Variants in CALD1 observed in about 807,000 individuals in gnomAD.
The protein encoded by CALD1 is caldesmon.
A neutral mutation model predicts 99.9 loss-of-function variants in CALD1; 33 were observed. The ratio of observed to expected loss-of-function variants is 0.33; its 90% CI spans 0.25 to 0.44. CALD1 has a LOEUF of 0.44. Among genes scored for constraint, CALD1 ranks in the 20% least tolerant of loss-of-function variants. The probability of loss-of-function intolerance (pLI) is 1.00; values close to 1 mark genes in which losing one functional copy is unlikely to be tolerated. For missense variants in CALD1, 861 were observed against 962.1 expected (o/e 0.89, Z 1.39); for synonymous variants, 310 against 325.0 (o/e 0.95, Z 0.50).
chr7:134,897,498 T>G (rs763940652), intron 3 of CALD1, among the ~76,000 whole-genome samples: 3 of 151,944 alleles, frequency 2.0e-5, no homozygotes, highest in Non-Finnish European at 2.9e-5. Flanking sequence ...TTTAAAACGC[T>G]GGTCATCCAC....
intron 2 of CALD1, among the ~76,000 whole-genome samples, chr7:134,866,018 A>C (rs986999445): frequency 6.6e-6 from 1 of 152,162 alleles, no homozygotes; most frequent in Non-Finnish European, 1.5e-5. Context: ...GCAACAAAAG[A>C]CCACATGGAA....
chr7:134,847,650 A>G (rs924890816), intron 2 of CALD1, among the ~76,000 whole-genome samples: 4 of 152,222 alleles, frequency 2.6e-5, no homozygotes, highest in Non-Finnish European at 5.9e-5. Context: ...GTGCAGCTTT[A>G]GTAACCTTGC....
chr7:134,822,725 T>C (rs1798830957), intron 1 of CALD1, among the ~76,000 whole-genome samples: 1 of 152,154 alleles, frequency 6.6e-6, no homozygotes, highest in Non-Finnish European at 1.5e-5. Flanking sequence ...TCAAACTTCC[T>C]CCCCAAATCT....
chr7:134,958,702 AGT>A (rs1477317814), intron 11 of CALD1, among the ~76,000 whole-genome samples: 45 of 151,770 alleles, frequency 3.0e-4, no homozygotes, highest in Admixed American at 3.0e-3. Flanking sequence ...GGCCCCCAAT[AGT>A]GTCAGAATAT....
At chr7:134,761,410 GTCTCGTAGAAGGAAAA>G (rs1312029540) in intron 1 of CALD1, among the ~76,000 whole-genome samples, 3 of 152,094 alleles carry the variant, frequency 2.0e-5, no homozygotes, top group Non-Finnish European at 4.4e-5. Context: ...GAGATTCAAG[GTCTCGTAGAAGGAAAA>G]TTTGCAGTCG....
At chr7:134,767,135 C>T (rs868204524) in intron 1 of CALD1, among the ~76,000 whole-genome samples, 3 of 152,122 alleles carry the variant, frequency 2.0e-5, no homozygotes, top group Middle Eastern at 3.4e-3. Context: ...GACCAGACCG[C>T]GAAGCTGCAA....
intron 2 of CALD1, among the ~76,000 whole-genome samples, chr7:134,867,196 CTTCT>C (rs1800840609): frequency 6.6e-6 from 1 of 152,208 alleles, no homozygotes; most frequent in African/African-American, 2.4e-5. Context: ...AATCCTGATG[CTTCT>C]TTGAGAATAT....
the CALD1 span, among the ~76,000 whole-genome samples, chr7:134,726,092 CA>C: frequency 2.0e-5 from 3 of 152,046 alleles, no homozygotes; most frequent in African/African-American, 7.2e-5. Flanking sequence ...AATCTTATAA[CA>C]AAACCCAAGA....
chr7:134,968,512 C>T lies in CALD1; in HGVS notation c.*167C>T, dbSNP rs1416988950. ...ATATTATCACTATATTTAATAATCA[C>T]AGTCTAGAGATGTTCATGGTAAAAG... On this transcript the variant is annotated 3_prime_UTR_variant, in exon 15 of 15. Transcript: ENST00000361675. 3 of 725,724 alleles carry T rather than the reference C, an allele frequency of 4.1e-6. No individual in the cohort carries two copies. The Admixed American group carries it at 6.0e-5, about 15-fold the overall frequency. 45.0% of individuals were successfully genotyped at this position (725,724 alleles called of 1,614,324 possible). A position where few individuals can be genotyped will look rare whatever the true frequency, so the allele number is the denominator to read the frequency against.
chr7:134,949,252 T>C (rs1807147672), intron 8 of CALD1, among the ~76,000 whole-genome samples: 1 of 152,214 alleles, frequency 6.6e-6, no homozygotes, highest in Non-Finnish European at 1.5e-5. Context: ...GGAGATTATT[T>C]GGGCTAAACT....
intron 3 of CALD1, among the ~76,000 whole-genome samples, chr7:134,882,749 T>A (rs772980090): frequency 3.3e-5 from 5 of 152,222 alleles, no homozygotes; most frequent in Non-Finnish European, 7.3e-5. Context: ...ATGTTTAGCA[T>A]ACAATAGAAT....
At chr7:134,860,538 C>T (rs1330626697) in intron 2 of CALD1, among the ~76,000 whole-genome samples, 6 of 152,170 alleles carry the variant, frequency 3.9e-5, no homozygotes, top group African/African-American at 7.2e-5. Flanking sequence ...ATTTTCCATA[C>T]TCAGAATGGT....
At chr7:134,967,944 G>A (rs1221561458) in intron 14 of CALD1, among the ~76,000 whole-genome samples, 2 of 152,220 alleles carry the variant, frequency 1.3e-5, no homozygotes, top group South Asian at 2.1e-4. Flanking sequence ...AGGAGTTTGA[G>A]ATCAGCCTGG....
Position 134,811,157 on chromosome 7 carries a change from T to A in CALD1, c.-130+31408T>A, listed in dbSNP as rs140984028. Among the ~76,000 whole-genome samples, 1,372 of 152,344 alleles carry A rather than the reference T, an allele frequency of 9.0e-3. 9 individuals are homozygous for A. The highest frequency in any genetic ancestry group is 0.027 in the Middle Eastern group (8 of 294). ...CAAGAACAATTTTTATTGATCCTTGTATATCCTGCCCTCAATTCTAGTGCC... is the reference window on the plus strand; with the variant it reads ...CAAGAACAATTTTTATTGATCCTTGAATATCCTGCCCTCAATTCTAGTGCC... On this transcript the variant is annotated intron_variant, in intron 1 of 14. Coordinates refer to ENST00000361675, the MANE Select transcript of CALD1 (RefSeq NM_033138.4).
chr7:134,726,441 TTA>T, the CALD1 span, among the ~76,000 whole-genome samples: 67,498 of 134,082 alleles, frequency 0.5, 18,686 homozygotes, highest in East Asian at 0.81. Flanking sequence ...TTATATAGCT[TTA>T]TATATATAAT....
chr7:134,780,458 G>A (rs1234623410), intron 1 of CALD1, among the ~76,000 whole-genome samples: 2 of 152,136 alleles, frequency 1.3e-5, no homozygotes, highest in East Asian at 1.9e-4. Context: ...CACATTTAAC[G>A]TCCTACCAAA....
At chr7:134,716,040 G>T in the CALD1 span, among the ~76,000 whole-genome samples, 2,951 of 152,186 alleles carry the variant, frequency 0.019, 111 homozygotes, top group African/African-American at 0.068. Flanking sequence ...CATGTGCCAT[G>T]CTGGTCTGCT....
chr7:134,808,507 C>T (rs566487584), intron 1 of CALD1, among the ~76,000 whole-genome samples: 5 of 152,198 alleles, frequency 3.3e-5, no homozygotes, highest in Non-Finnish European at 7.3e-5. Flanking sequence ...AGAGCCAGCT[C>T]ATGTTCTAGT....
chr7:134,917,188 C>T (rs1285144395), intron 3 of CALD1, among the ~76,000 whole-genome samples: 1 of 152,116 alleles, frequency 6.6e-6, no homozygotes, highest in Non-Finnish European at 1.5e-5. Context: ...TTTTAAACGA[C>T]TAAGCCCAAG....
Sources: allele counts gnomAD v4.1 joint callset (sites outside exome capture counted in the v4.1 genomes callset), GRCh38; gene constraint gnomAD v4.1.1; transcripts MANE v1.5; gene names NCBI Gene and HGNC (gene_info 2026-07-23, HGNC 2026-07-21).